PTPRN2: variants seen among roughly 807,000 people sequenced by gnomAD.
The protein encoded by PTPRN2 is protein tyrosine phosphatase receptor type N2.
Under a neutral mutation model 118.8 loss-of-function variants are expected in PTPRN2, and 74 were observed. The ratio of observed to expected loss-of-function variants is 0.62; its 90% CI spans 0.52 to 0.76. The LOEUF (loss-of-function observed/expected upper bound fraction) is 0.76. PTPRN2 is among the 30% of genes least tolerant of loss of function. The pLI is 0.00. For synonymous variants in PTPRN2, 641 were observed against 608.0 expected (o/e 1.05, Z -0.80); for missense variants, 1,481 against 1,394.4 (o/e 1.06, Z -0.99).
rs186519386 is a variant in PTPRN2 at position 157,626,998 on chromosome 7, G to T, written c.2197-5489C>A. The stretch of plus-strand genomic sequence containing the variant: ...TTCCTGTAACAACCTGAACCTAACA[G>T]CAGTCGTATAAATTTGGAAGGGCAA... On this transcript the variant is annotated intron_variant, in intron 14 of 22. Coordinates refer to ENST00000389418, the MANE Select transcript of PTPRN2 (RefSeq NM_002847.5). Among the ~76,000 whole-genome samples the T allele has an allele frequency of 2.0e-5, 3 of 152,310 alleles. No individual in the cohort carries two copies. In the East Asian group the frequency reaches 5.8e-4, roughly 29 times the overall value.
chr7:157,817,707 C>T (rs1806503388), intron 12 of PTPRN2, among the ~76,000 whole-genome samples: 2 of 152,172 alleles, frequency 1.3e-5, no homozygotes, highest in Non-Finnish European at 2.9e-5. Flanking sequence ...CCCTGGCTGC[C>T]CTGCAGAGGG....
intron 5 of PTPRN2, among the ~76,000 whole-genome samples, chr7:158,187,333 A>G (rs1414767557): frequency 1.3e-5 from 2 of 152,250 alleles, no homozygotes; most frequent in Non-Finnish European, 2.9e-5. Context: ...GGTACATAGA[A>G]AACAATGATT....
intron 6 of PTPRN2, among the ~76,000 whole-genome samples, chr7:158,154,910 G>C (rs564303584): frequency 1.7e-3 from 257 of 152,302 alleles, no homozygotes; most frequent in African/African-American, 5.9e-3. Context: ...TCCACTACCT[G>C]CCATTTGAAG....
At position 158,554,130 on chromosome 7, in the gene PTPRN2, G is replaced by A. The variant is rs572307082; in HGVS notation, c.112+33428C>T. 5.3e-5 allele frequency among the ~76,000 whole-genome samples: 8 copies of A among 152,334 alleles called. No homozygotes were observed. The East Asian group carries it at 9.6e-4, about 18-fold the overall frequency. Reference sequence around the variant, plus strand: ...AAATACAAAAAATTAGCCGGATGTGGTGGCATGTGCCTGTAGTCCCAGCTA... The same window carrying A: ...AAATACAAAAAATTAGCCGGATGTGATGGCATGTGCCTGTAGTCCCAGCTA... On this transcript the variant is annotated intron_variant, in intron 1 of 22. Transcript: ENST00000389418.
At position 158,501,509 on chromosome 7, in the gene PTPRN2, G is replaced by A. The variant is rs141221529; in HGVS notation, c.113-11724C>T. The stretch of plus-strand genomic sequence containing the variant: ...CCCGACACAACGCCAGGCTGAGGCT[G>A]AGGCTGCCTTCTTGTGAATCTTCCA... On this transcript the variant is annotated intron_variant, in intron 1 of 22. Transcript: ENST00000389418. 5.4e-3 allele frequency among the ~76,000 whole-genome samples: 829 copies of A among 152,300 alleles called. 4 individuals carry two copies. The highest frequency in any genetic ancestry group is 0.023 in the South Asian group (112 of 4,820).
intron 12 of PTPRN2, among the ~76,000 whole-genome samples, chr7:157,837,145 A>ATGTG (rs1808014658): frequency 2.5e-5 from 1 of 40,758 alleles, no homozygotes; most frequent in Non-Finnish European, 4.9e-5. Context: ...CCATCCACAC[A>ATGTG]TCCGCCCTTC....
rs1803925160 is a variant in PTPRN2 at position 157,784,852 on chromosome 7, C to T, written c.1789-101915G>A. Among the ~76,000 whole-genome samples the T allele has an allele frequency of 6.6e-6, 1 of 151,738 alleles. No homozygotes were observed. The highest frequency in any genetic ancestry group is 2.4e-5 in the African/African-American group (1 of 41,286). Reference sequence around the variant, plus strand: ...GACATAGGGGCCCAGGGGGCCTGGACAAGTAATAAGGTCAAGATATTTTTG... The same window carrying T: ...GACATAGGGGCCCAGGGGGCCTGGATAAGTAATAAGGTCAAGATATTTTTG... On this transcript the variant is annotated intron_variant, in intron 12 of 22. Transcript: ENST00000389418. This position sits in a 1 kb window ranked among gnomAD's most constrained non-coding sequence, Gnocchi z 4.6.
At chr7:158,276,830 G>A (rs1040360234) in intron 3 of PTPRN2, among the ~76,000 whole-genome samples, 48 of 152,294 alleles carry the variant, frequency 3.2e-4, no homozygotes, top group Admixed American at 2.4e-3. Flanking sequence ...GTGTGCGGGC[G>A]GCCTCCTCGT....
chr7:158,319,416 T>TCCC (rs1488804383), intron 2 of PTPRN2, among the ~76,000 whole-genome samples: 12,709 of 62,410 alleles, frequency 0.2, 3,453 homozygotes, highest in Middle Eastern at 0.24. Flanking sequence ...ACACACAGCC[T>TCCC]CCCACACACA....
At chr7:157,853,277 G>A (rs957318795) in intron 12 of PTPRN2, among the ~76,000 whole-genome samples, 2 of 152,132 alleles carry the variant, frequency 1.3e-5, no homozygotes, top group East Asian at 3.9e-4. Flanking sequence ...GGCCGAGCCG[G>A]GCCTGCAACG....
chr7:158,186,015 CT>C (rs35056037), intron 5 of PTPRN2, among the ~76,000 whole-genome samples: 98,072 of 152,040 alleles, frequency 0.65, 32,300 homozygotes, highest in East Asian at 0.85. Flanking sequence ...TCTCCCAGCC[CT>C]CTCCCTCCTC....
At chr7:157,989,891 C>T (rs556522167) in intron 11 of PTPRN2, among the ~76,000 whole-genome samples, 2 of 152,248 alleles carry the variant, frequency 1.3e-5, no homozygotes, top group Admixed American at 6.5e-5. Flanking sequence ...CCCCGCATCC[C>T]ACCCCGCCCT....
In PTPRN2 at chr7:157,784,693, C is replaced by T. The variant is rs112507964; in HGVS notation, c.1789-101756G>A. On this transcript the variant is annotated intron_variant, in intron 12 of 22. Transcript: ENST00000389418. This position sits in a 1 kb window ranked among gnomAD's most constrained non-coding sequence, Gnocchi z 4.6. ...GGGGCTGGGCTGATCCCGTATGAAACGGGCAGGGGCTGAGCTGATCCCGTG... is the reference window on the plus strand; with the variant it reads ...GGGGCTGGGCTGATCCCGTATGAAATGGGCAGGGGCTGAGCTGATCCCGTG... Among the ~76,000 whole-genome samples the T allele has an allele frequency of 1.6e-3, 240 of 151,184 alleles. 4 individuals are homozygous for T. Among genetic ancestry groups the T allele is most frequent in the African/African-American group, 5.6e-3 (230 of 41,244 alleles).
At chr7:157,818,065 G>A (rs1806539712) in intron 12 of PTPRN2, among the ~76,000 whole-genome samples, 1 of 126,494 alleles carries the variant, frequency 7.9e-6, no homozygotes, top group African/African-American at 3.6e-5. Flanking sequence ...TGGCATGTGT[G>A]GTGTGTGTGG....
intron 14 of PTPRN2, among the ~76,000 whole-genome samples, chr7:157,644,399 C>T (rs1244267665): frequency 6.6e-6 from 1 of 152,200 alleles, no homozygotes; most frequent in Non-Finnish European, 1.5e-5. Flanking sequence ...TGAGGGATGT[C>T]GTCACGGCAG....
At chr7:158,312,190 GTA>G (rs1402761769) in intron 3 of PTPRN2, among the ~76,000 whole-genome samples, 1 of 70,044 alleles carries the variant, frequency 1.4e-5, no homozygotes, top group Non-Finnish European at 3.0e-5. Flanking sequence ...ATGCTCATGT[GTA>G]GACACTCACA....
At chr7:158,478,979 A>T (rs1031849480) in intron 2 of PTPRN2, among the ~76,000 whole-genome samples, 8 of 152,126 alleles carry the variant, frequency 5.3e-5, no homozygotes, top group African/African-American at 1.9e-4. Flanking sequence ...ACACACATCT[A>T]ACAATACCCA....
chr7:157,679,805 C>T lies in PTPRN2; in HGVS notation c.2001+2920G>A, dbSNP rs114124350. Among the ~76,000 whole-genome samples the T allele has an allele frequency of 2.4e-3, 361 of 152,232 alleles. 2 individuals carry two copies. The highest frequency in any genetic ancestry group is 8.2e-3 in the African/African-American group (340 of 41,536). On this transcript the variant is annotated intron_variant, in intron 13 of 22. Coordinates refer to ENST00000389418, the MANE Select transcript of PTPRN2 (RefSeq NM_002847.5). Reference sequence around the variant, plus strand: ...TTAGCAGAGGTTGGCAACATGAGGGCCCCCCAGGTCACGCGGGAAGTGCCT... The same window carrying T: ...TTAGCAGAGGTTGGCAACATGAGGGTCCCCCAGGTCACGCGGGAAGTGCCT...
intron 11 of PTPRN2, among the ~76,000 whole-genome samples, chr7:158,041,507 A>G (rs1425579456): frequency 2.0e-5 from 3 of 151,982 alleles, no homozygotes; most frequent in Non-Finnish European, 2.9e-5. Context: ...GGGTGGTGGT[A>G]CACACCTGTA....
Sources: allele counts gnomAD v4.1 joint callset (sites outside exome capture counted in the v4.1 genomes callset), GRCh38; gene constraint gnomAD v4.1.1; non-coding constraint Gnocchi (gnomAD v3.1); transcripts MANE v1.5; gene names NCBI Gene and HGNC (gene_info 2026-07-23, HGNC 2026-07-21).